Variants in ZNF704 observed in about 807,000 individuals in gnomAD.
ZNF704 encodes the protein glucocorticoid induced gene 1.
Under a neutral mutation model 44.7 loss-of-function variants are expected in ZNF704, and 10 were observed. That is an observed-to-expected ratio of 0.22 (90% CI 0.14 to 0.38). The LOEUF is 0.38. Ranked by LOEUF, ZNF704 falls within the 10% of genes least tolerant of loss-of-function variation. The pLI, the probability that ZNF704 is intolerant of heterozygous loss-of-function variation, is 1.00. For missense variants in ZNF704, 390 were observed against 545.5 expected, an observed-to-expected ratio of 0.71 and a Z score of 2.84; for synonymous variants, 211 against 207.6, an observed-to-expected ratio of 1.02 and a Z score of -0.14.
At chr8:80,692,932 G>A in intron 3 of ZNF704, 72 bp downstream of exon 3, 1 of 1,338,838 alleles carries the variant, frequency 7.5e-7, no homozygotes, top group Non-Finnish European at 1.1e-6. Context: ...TGACAGGAAT[G>A]AGACATCTCA....
chr8:80,731,453 A>G (rs1339065958), intron 2 of ZNF704, among the ~76,000 whole-genome samples: 3 of 152,232 alleles, frequency 2.0e-5, no homozygotes, highest in Non-Finnish European at 4.4e-5. Context: ...TATTTAAAGA[A>G]AAAAATCATA....
intron 7 of ZNF704, among the ~76,000 whole-genome samples, chr8:80,650,644 C>G (rs1420784905): frequency 1.3e-5 from 2 of 152,182 alleles, no homozygotes; most frequent in Non-Finnish European, 2.9e-5. Flanking sequence ...TGAACAAAGC[C>G]TCCAAGAAAT....
chr8:80,768,113 T>C (rs1807258668), intron 2 of ZNF704, among the ~76,000 whole-genome samples: 1 of 151,922 alleles, frequency 6.6e-6, no homozygotes, highest in Admixed American at 6.6e-5. Context: ...TGCAAGATAG[T>C]GTGAGGAGAA....
chr8:80,834,704 C>T (rs1342362302), intron 1 of ZNF704, among the ~76,000 whole-genome samples: 2 of 152,278 alleles, frequency 1.3e-5, no homozygotes, highest in East Asian at 3.9e-4. Flanking sequence ...CCCTGACAGG[C>T]CCCGGTGTGT....
chr8:80,734,100 T>C (rs891322313), intron 2 of ZNF704, among the ~76,000 whole-genome samples: 1 of 152,210 alleles, frequency 6.6e-6, no homozygotes, highest in African/African-American at 2.4e-5. Flanking sequence ...CAACTGGTCA[T>C]AGCAAAATGT....
chr8:80,874,427 C>G lies in ZNF704; in HGVS notation c.-22+144G>C, dbSNP rs1277848822. ...CCCGGCCGGCTGCGCCCGCGCGCTCCGGGCCTACCGCTGCCGTGCCTCGGC... is the reference window on the plus strand; with the variant it reads ...CCCGGCCGGCTGCGCCCGCGCGCTCGGGGCCTACCGCTGCCGTGCCTCGGC... On this transcript the variant is annotated intron_variant, in intron 1 of 8. Transcript: ENST00000327835. The surrounding 1 kb of genome is among the most constrained non-coding windows in gnomAD (Gnocchi z 4.4). The G allele has an allele frequency of 6.7e-6, 1 of 149,982 alleles. No homozygotes were observed. The highest frequency in any genetic ancestry group is 1.5e-5 in the Non-Finnish European group (1 of 67,348). 9.3% of individuals were successfully genotyped at this position (149,982 alleles called of 1,614,324 possible).
rs563264794 is a variant in ZNF704, at chr8:80,660,313, T to A, written c.928-624A>T. The stretch of plus-strand genomic sequence containing the variant: ...CAGTGAGACTTCGTCTCTACTAAAA[T>A]TAAAAAAAATTAGCCAGGGGTGGTG... On this transcript the variant is annotated intron_variant, in intron 6 of 8. Coordinates refer to ENST00000327835, the MANE Select transcript of ZNF704 (RefSeq NM_001033723.3). Among the ~76,000 whole-genome samples the A allele has an allele frequency of 3.8e-3, 574 of 151,848 alleles. 6 individuals are homozygous for A. The highest frequency in any genetic ancestry group is 0.013 in the African/African-American group (541 of 41,406).
At chr8:80,769,552 C>A (rs1807284193) in intron 2 of ZNF704, among the ~76,000 whole-genome samples, 1 of 152,306 alleles carries the variant, frequency 6.6e-6, no homozygotes, top group Middle Eastern at 3.4e-3. Flanking sequence ...ATCACTAGGG[C>A]AGGGGCAAAA....
chr8:80,718,716 C>G (rs909417560), intron 2 of ZNF704, among the ~76,000 whole-genome samples: 1 of 152,206 alleles, frequency 6.6e-6, no homozygotes. Flanking sequence ...CCCAAACAAC[C>G]TGCTAATTAA....
At chr8:80,773,741 T>C (rs1404255036) in intron 2 of ZNF704, among the ~76,000 whole-genome samples, 1 of 152,146 alleles carries the variant, frequency 6.6e-6, no homozygotes, top group African/African-American at 2.4e-5. Context: ...ACATGAAAAA[T>C]ATTTTGCTAT....
intron 1 of ZNF704, among the ~76,000 whole-genome samples, chr8:80,863,154 A>C (rs1378663002): frequency 6.6e-6 from 1 of 152,178 alleles, no homozygotes; most frequent in East Asian, 1.9e-4. Flanking sequence ...TCCCCTTTCT[A>C]ATATTTCCAC....
intron 5 of ZNF704, among the ~76,000 whole-genome samples, chr8:80,668,020 A>T (rs1016219781): frequency 1.3e-5 from 2 of 152,260 alleles, no homozygotes; most frequent in African/African-American, 4.8e-5. Flanking sequence ...CACCATCACC[A>T]GGAAAAGTAG....
intron 3 of ZNF704, among the ~76,000 whole-genome samples, chr8:80,689,645 T>C (rs999890068): frequency 1.1e-4 from 17 of 152,224 alleles, no homozygotes; most frequent in African/African-American, 3.4e-4. Context: ...AAAATAAAGC[T>C]AATGGTGCTA....
At chr8:80,867,647 T>C (rs764540457) in intron 1 of ZNF704, among the ~76,000 whole-genome samples, 2 of 152,204 alleles carry the variant, frequency 1.3e-5, no homozygotes, top group African/African-American at 2.4e-5. Context: ...CATATGCCTT[T>C]TGCTCGAGCC....
intron 2 of ZNF704, among the ~76,000 whole-genome samples, chr8:80,701,132 AC>A (rs1416124503): frequency 3.6e-4 from 54 of 151,312 alleles, no homozygotes; most frequent in African/African-American, 1.2e-3. Flanking sequence ...GAAGAACCAA[AC>A]CCTGGCTGAA....
intron 7 of ZNF704, among the ~76,000 whole-genome samples, chr8:80,655,903 G>A (rs748812466): frequency 6.6e-6 from 1 of 152,188 alleles, no homozygotes; most frequent in Non-Finnish European, 1.5e-5. Flanking sequence ...ACAGCCTGAA[G>A]CCTCCTAGAA....
chr8:80,760,518 T>G (rs1483244376), intron 2 of ZNF704, among the ~76,000 whole-genome samples: 2 of 151,538 alleles, frequency 1.3e-5, no homozygotes, highest in African/African-American at 4.8e-5. Flanking sequence ...TGGCTGGGTG[T>G]GGTGGCATAC....
intron 4 of ZNF704, among the ~76,000 whole-genome samples, chr8:80,677,699 A>C (rs1225387911): frequency 6.6e-6 from 1 of 152,138 alleles, no homozygotes; most frequent in African/African-American, 2.4e-5. Flanking sequence ...TTGGGGATAG[A>C]CTATATTCTA....
intron 2 of ZNF704, among the ~76,000 whole-genome samples, chr8:80,755,012 A>T (rs1251004829): frequency 1.3e-5 from 2 of 152,176 alleles, no homozygotes; most frequent in Non-Finnish European, 2.9e-5. Context: ...AGCAGAAGAT[A>T]ATAGGGTAAA....
Sources: gnomAD v4.1 joint callset for allele counts (sites outside exome capture counted in the v4.1 genomes callset) on GRCh38, gnomAD v4.1.1 for gene constraint, Gnocchi (gnomAD v3.1) non-coding constraint, MANE v1.5 for transcripts, NCBI Gene and HGNC (gene_info 2026-07-23, HGNC 2026-07-21) for gene names.